LYPD6: variants seen among roughly 807,000 people sequenced by gnomAD.
LYPD6 encodes the protein ly6/PLAUR domain-containing protein 6.
A neutral mutation model predicts 22.7 loss-of-function variants in LYPD6; 15 were observed. That is an observed-to-expected ratio of 0.66 (90% CI 0.44 to 1.02). The LOEUF is 1.02. LYPD6 is among the 50% of genes least tolerant of loss of function. LYPD6 has a pLI of 0.00. For synonymous variants in LYPD6, 72 were observed against 77.5 expected (o/e 0.93, Z 0.37); for missense variants, 189 against 208.4 (o/e 0.91, Z 0.57).
At chr2:149,482,936 C>A in the LYPD6 span, among the ~76,000 whole-genome samples, 4 of 152,286 alleles carry the variant, frequency 2.6e-5, no homozygotes, top group South Asian at 8.3e-4. Flanking sequence ...TTGCTAAAAG[C>A]TGCTGATCCC....
In LYPD6 at chr2:149,438,256, G is replaced by C. The variant is rs186958819; in HGVS notation, c.118+430G>C. ...TTCCTCCCACAACTTCCAATGTCCTGTGCCTCCTTTTGGTTTCCTATATTT... is the reference window on the plus strand; with the variant it reads ...TTCCTCCCACAACTTCCAATGTCCTCTGCCTCCTTTTGGTTTCCTATATTT... On this transcript the variant is annotated intron_variant, in intron 2 of 4. Transcript: ENST00000334166. Among the ~76,000 whole-genome samples the C allele has an allele frequency of 2.0e-3, 302 of 152,288 alleles. 1 individual carries two copies. Among genetic ancestry groups the C allele is most frequent in the African/African-American group, 6.8e-3 (281 of 41,558 alleles).
At chr2:149,354,913 A>C (rs553450751) in intron 1 of LYPD6, among the ~76,000 whole-genome samples, 8 of 152,294 alleles carry the variant, frequency 5.3e-5, no homozygotes, top group Non-Finnish European at 1.0e-4. Context: ...TTTGCCTTGA[A>C]AGCTCGTGAG....
In LYPD6 at chr2:149,333,273, G is replaced by A. The variant is rs11681086; in HGVS notation, c.-72+2551G>A. On this transcript the variant is annotated intron_variant, in intron 1 of 4. Coordinates refer to ENST00000334166, the MANE Select transcript of LYPD6 (RefSeq NM_194317.5). The stretch of plus-strand genomic sequence containing the variant: ...ACTTGCAAAGCTAGCAATAAGAAGC[G>A]TACAGATATCTGCCTATCTGATTAT... Among the ~76,000 whole-genome samples, 313 of 152,266 alleles carry A rather than the reference G, an allele frequency of 2.1e-3. 2 individuals carry two copies. The highest frequency in any genetic ancestry group is 3.4e-3 in the Middle Eastern group (1 of 294).
intron 1 of LYPD6, among the ~76,000 whole-genome samples, chr2:149,391,920 G>A (rs912000908): frequency 6.6e-6 from 1 of 152,182 alleles, no homozygotes; most frequent in Non-Finnish European, 1.5e-5. Flanking sequence ...CATAGAAGTC[G>A]GTGCCTGAAT....
chr2:149,470,013 T>C (rs1412359947), intron 4 of LYPD6, among the ~76,000 whole-genome samples: 1 of 152,204 alleles, frequency 6.6e-6, no homozygotes, highest in African/African-American at 2.4e-5. Context: ...AGGTTTGAGA[T>C]TCTGCACTTG....
At chr2:149,430,472 G>A (rs183194906) in intron 1 of LYPD6, among the ~76,000 whole-genome samples, 4 of 152,248 alleles carry the variant, frequency 2.6e-5, no homozygotes, top group East Asian at 1.9e-4. Context: ...TGTGGTCAGC[G>A]TGATATATTT....
intron 3 of LYPD6, among the ~76,000 whole-genome samples, chr2:149,453,123 A>G (rs538525588): frequency 6.4e-4 from 97 of 152,290 alleles, no homozygotes; most frequent in African/African-American, 2.2e-3. Context: ...CTTTAATTTC[A>G]TCAGCTACTC....
chr2:149,454,939 G>A (rs769748486), intron 3 of LYPD6, among the ~76,000 whole-genome samples: 18 of 152,174 alleles, frequency 1.2e-4, no homozygotes, highest in Non-Finnish European at 2.1e-4. Flanking sequence ...GACCGATGAA[G>A]GTGCTGCCCT....
intron 1 of LYPD6, among the ~76,000 whole-genome samples, chr2:149,357,745 C>G (rs72991466): frequency 0.022 from 3,301 of 150,246 alleles, 97 homozygotes; most frequent in African/African-American, 0.075. Flanking sequence ...ATTCTGTGCT[C>G]TCTAAATCAT....
At chr2:149,344,095 C>G (rs1429828160) in intron 1 of LYPD6, among the ~76,000 whole-genome samples, 1 of 152,182 alleles carries the variant, frequency 6.6e-6, no homozygotes, top group African/African-American at 2.4e-5. Flanking sequence ...AAATATTGGA[C>G]TATCTGGTGT....
intron 1 of LYPD6, among the ~76,000 whole-genome samples, chr2:149,352,266 G>A (rs11686481): frequency 0.16 from 24,419 of 152,168 alleles, 2,717 homozygotes; most frequent in East Asian, 0.57. Context: ...GCAGGTGGAA[G>A]AGGTGTTAGA....
intron 1 of LYPD6, among the ~76,000 whole-genome samples, chr2:149,407,372 A>G (rs544500523): frequency 3.9e-5 from 6 of 152,326 alleles, no homozygotes; most frequent in East Asian, 3.9e-4. Flanking sequence ...AGGTATACCA[A>G]TCAGACGTAG....
intron 2 of LYPD6, among the ~76,000 whole-genome samples, chr2:149,446,797 C>G (rs1250821704): frequency 6.6e-6 from 1 of 152,090 alleles, no homozygotes; most frequent in Non-Finnish European, 1.5e-5. Context: ...TTGATATTGT[C>G]ATAGTCAGGT....
intron 1 of LYPD6, among the ~76,000 whole-genome samples, chr2:149,404,778 G>A (rs957911274): frequency 6.6e-6 from 1 of 152,152 alleles, no homozygotes; most frequent in Non-Finnish European, 1.5e-5. Context: ...ATGTTGAATA[G>A]GAGTGGTGAG....
chr2:149,471,768 T>C lies in LYPD6; in HGVS notation c.*918T>C, dbSNP rs1681339352. The C allele has an allele frequency of 6.6e-6, 1 of 152,668 alleles. No homozygotes were observed. The highest frequency in any genetic ancestry group is 6.5e-5 in the Admixed American group (1 of 15,274). 9.5% of individuals were successfully genotyped at this position (152,668 alleles called of 1,614,324 possible). On this transcript the variant is annotated 3_prime_UTR_variant, in exon 5 of 5. Coordinates refer to ENST00000334166, the MANE Select transcript of LYPD6 (RefSeq NM_194317.5). ...AAAAATGTGTGGAGATTAGTCCTAG[T>C]TCATTCTGAGGGCCGACTAAGTGGC... is the stretch of plus-strand genomic sequence containing the variant.
rs185353362 is a variant in LYPD6 at position 149,336,592 on chromosome 2, T to G, written c.-72+5870T>G. ...ATATATATGGCTGAATAAGTTTATA[T>G]AAATAAACCCTCTCTATTTGTTCAT... On this transcript the variant is annotated intron_variant, in intron 1 of 4. Transcript: ENST00000334166. Among the ~76,000 whole-genome samples the G allele has an allele frequency of 1.0e-3, 153 of 152,340 alleles. 1 individual carries two copies. Among genetic ancestry groups the G allele is most frequent in the African/African-American group, 3.6e-3 (151 of 41,576 alleles).
chr2:149,342,499 G>T (rs906830391), intron 1 of LYPD6, among the ~76,000 whole-genome samples: 1 of 152,050 alleles, frequency 6.6e-6, no homozygotes, highest in African/African-American at 2.4e-5. Context: ...GAATGTATTT[G>T]ATCCTTATCT....
intron 3 of LYPD6, 69 bp from the exon 4 acceptor site, chr2:149,468,576 C>A: frequency 6.5e-7 from 1 of 1,531,136 alleles, no homozygotes. Flanking sequence ...TGCTGACACT[C>A]CTGTTATTTT....
At chr2:149,406,854 T>A (rs1392418652) in intron 1 of LYPD6, among the ~76,000 whole-genome samples, 2,149 of 110,814 alleles carry the variant, frequency 0.019, no homozygotes, top group East Asian at 0.029. Flanking sequence ...TTGGCATGAT[T>A]TTGCAGTGGC....
Sources: gnomAD v4.1 joint callset for allele counts (sites outside exome capture counted in the v4.1 genomes callset) on GRCh38, gnomAD v4.1.1 for gene constraint, MANE v1.5 for transcripts, NCBI Gene and HGNC (gene_info 2026-07-23, HGNC 2026-07-21) for gene names.